The following RASSF4 variants were observed in gnomAD, a reference collection of about 807,000 sequenced individuals.
RASSF4 encodes Ras association domain family member 4, also known as ras association domain-containing protein 4.
Under a neutral mutation model 41.1 loss-of-function variants are expected in RASSF4, and 38 were observed. That is an observed-to-expected ratio of 0.92 (90% CI 0.71 to 1.21). The LOEUF is 1.21. RASSF4 is among the 50% of genes most tolerant of loss of function. The pLI is 0.00. For synonymous variants in RASSF4, 179 were observed against 163.4 expected (o/e 1.10, Z -0.73); for missense variants, 414 against 419.4 (o/e 0.99, Z 0.11).
At chr10:44,963,281 T>C (rs1588781252) in intron 1 of RASSF4, among the ~76,000 whole-genome samples, 1 of 151,716 alleles carries the variant, frequency 6.6e-6, no homozygotes, top group Non-Finnish European at 1.5e-5. Context: ...TGGAAGGAGG[T>C]GGGAGCAGCA....
At chr10:44,986,980 AG>A (rs1450162873) in intron 6 of RASSF4, among the ~76,000 whole-genome samples, 1 of 152,258 alleles carries the variant, frequency 6.6e-6, no homozygotes, top group Admixed American at 6.5e-5. Flanking sequence ...GAAAGTAGCC[AG>A]GGGGCCTTTG....
At chr10:44,964,552 T>A (rs973162873) in intron 1 of RASSF4, among the ~76,000 whole-genome samples, 8 of 152,260 alleles carry the variant, frequency 5.3e-5, no homozygotes, top group African/African-American at 1.7e-4. Context: ...TCCTGACTCC[T>A]GCTGCCACCC....
intron 3 of RASSF4, 76 bp from the exon 4 acceptor site, chr10:44,982,445 A>T: frequency 6.4e-7 from 1 of 1,566,092 alleles, no homozygotes; most frequent in Non-Finnish European, 8.7e-7. Context: ...GAGTGTTCAG[A>T]GCATCCCATC....
At chr10:44,990,851 G>A in intron 8 of RASSF4, 97 bp from the exon 9 acceptor site, 1 of 1,317,284 alleles carries the variant, frequency 7.6e-7, no homozygotes, top group East Asian at 2.3e-5. Flanking sequence ...AGGGTTCCCT[G>A]CGCCCCTAGA....
chr10:44,975,596 C>T lies in RASSF4; in HGVS notation c.138+3748C>T, dbSNP rs1588813988. On this transcript the variant is annotated intron_variant, in intron 3 of 10. Transcript: ENST00000340258. ...CCTCCCTTTCCACTCTCCCCACCCC[C>T]ACCCCAGTGGCAAGAAGGAAGGAGA... Among the ~76,000 whole-genome samples the T allele has an allele frequency of 1.4e-5, 2 of 139,692 alleles. 1 individual carries two copies. The highest frequency in any genetic ancestry group is 3.1e-5 in the Non-Finnish European group (2 of 64,510). 91.6% of individuals were successfully genotyped at this position (139,692 alleles called of 152,430 possible).
Position 44,984,733 on chromosome 10 carries a change from G to C in RASSF4, c.374-80G>C. 5 of 1,515,912 alleles carry C rather than the reference G, an allele frequency of 3.3e-6. No homozygotes were observed. The Admixed American group carries it at 6.9e-5, about 21-fold the overall frequency. 93.9% of individuals were successfully genotyped at this position (1,515,912 alleles called of 1,614,324 possible). Reference sequence around the variant, plus strand: ...AGTGCACGTGACCACAGGGCTCTAGGGTGCCAGATCTCCCGACAGCAGGCA... The same window carrying C: ...AGTGCACGTGACCACAGGGCTCTAGCGTGCCAGATCTCCCGACAGCAGGCA... On this transcript the variant is annotated intron_variant, in intron 5 of 10. Coordinates refer to ENST00000340258, the MANE Select transcript of RASSF4 (RefSeq NM_032023.4).
intron 1 of RASSF4, among the ~76,000 whole-genome samples, chr10:44,968,714 G>A (rs914105623): frequency 1.3e-5 from 2 of 152,196 alleles, no homozygotes; most frequent in Non-Finnish European, 2.9e-5. Flanking sequence ...TAATAAATAC[G>A]ACAGCAGGTG....
chr10:44,987,153 G>A (rs1841948586), intron 6 of RASSF4, among the ~76,000 whole-genome samples: 1 of 152,172 alleles, frequency 6.6e-6, no homozygotes, highest in South Asian at 2.1e-4. Flanking sequence ...TAGCCAGGCT[G>A]GAGTGCAGTG....
At position 44,994,926 on chromosome 10, in the gene RASSF4, C is replaced by A. The variant is rs1207589383; in HGVS notation, c.*1597C>A. The A allele has an allele frequency of 6.6e-6, 1 of 152,114 alleles. No homozygotes were observed. The highest frequency in any genetic ancestry group is 2.4e-5 in the African/African-American group (1 of 41,418). 9.4% of individuals were successfully genotyped at this position (152,114 alleles called of 1,614,324 possible). A position where few individuals can be genotyped will look rare whatever the true frequency, so the allele number is the denominator to read the frequency against. On this transcript the variant is annotated 3_prime_UTR_variant, in exon 11 of 11. Coordinates refer to ENST00000340258, the MANE Select transcript of RASSF4 (RefSeq NM_032023.4). ...AGCCTGAGGAGAGGCTGCCATGGAA[C>A]ACGCAGGCGTCACTGGTGGGAGCCT... is the stretch of plus-strand genomic sequence containing the variant.
Position 44,986,104 on chromosome 10 carries a change from G to A in RASSF4, c.531+1134G>A, listed in dbSNP as rs1425012244. ...CATTCAAATAAATGTTGATATGCTA[G>A]TGTAAGGAATTATTCAAAAATTTTC... On this transcript the variant is annotated intron_variant, in intron 6 of 10. Coordinates refer to ENST00000340258, the MANE Select transcript of RASSF4 (RefSeq NM_032023.4). Among the ~76,000 whole-genome samples the A allele has an allele frequency of 2.0e-5, 3 of 152,312 alleles. No homozygotes were observed. In the East Asian group the frequency reaches 5.8e-4, roughly 29 times the overall value.
At chr10:44,984,753 CA>C (rs1841851681) in intron 5 of RASSF4, 59 bp from the exon 6 acceptor site, 5 of 1,584,412 alleles carry the variant, frequency 3.2e-6, no homozygotes, top group Non-Finnish European at 4.3e-6. Context: ...CTCCCGACAG[CA>C]GGCAGTTGCT....
chr10:44,979,704 C>T (rs370987618), intron 3 of RASSF4, among the ~76,000 whole-genome samples: 113 of 151,900 alleles, frequency 7.4e-4, no homozygotes, highest in African/African-American at 2.5e-3. Context: ...GCTCAGGGCA[C>T]AGCAAGGGGC....
intron 8 of RASSF4, chr10:44,990,708 T>G (rs1842077005): frequency 5.3e-6 from 2 of 377,674 alleles, no homozygotes; most frequent in Non-Finnish European, 9.6e-6. Flanking sequence ...CACTTGTATC[T>G]TCTTCTTCTC....
intron 6 of RASSF4, among the ~76,000 whole-genome samples, chr10:44,987,124 G>C (rs1232331023): frequency 2.2e-4 from 34 of 152,202 alleles, no homozygotes; most frequent in Non-Finnish European, 1.5e-5. Flanking sequence ...TTTTTTATTT[G>C]AGATGGAGTC....
intron 3 of RASSF4, chr10:44,977,992 G>A (rs1339642395): frequency 1.2e-6 from 2 of 1,611,572 alleles, no homozygotes; most frequent in Non-Finnish European, 1.7e-6. Context: ...CCCGAATTGT[G>A]GGCAGATGGG....
intron 4 of RASSF4, chr10:44,983,158 T>C (rs1841785153): frequency 2.8e-6 from 1 of 360,888 alleles, no homozygotes; most frequent in Non-Finnish European, 5.5e-6. Context: ...TACCATTCAA[T>C]GCACATTTAT....
At chr10:44,967,940 A>G (rs1197353116) in intron 1 of RASSF4, among the ~76,000 whole-genome samples, 2 of 152,178 alleles carry the variant, frequency 1.3e-5, no homozygotes, top group Admixed American at 1.3e-4. Context: ...ATCAGAAGAC[A>G]GGAGTAGTTC....
intron 1 of RASSF4, among the ~76,000 whole-genome samples, chr10:44,967,518 G>A (rs747444501): frequency 6.6e-6 from 1 of 152,194 alleles, no homozygotes; most frequent in Admixed American, 6.5e-5. Context: ...TTGCCCCGTC[G>A]AAGAAGGAAT....
intron 10 of RASSF4, among the ~76,000 whole-genome samples, chr10:44,992,559 T>G (rs543658301): frequency 1.1e-4 from 17 of 152,262 alleles, no homozygotes; most frequent in African/African-American, 4.1e-4. Flanking sequence ...GATGCATGAG[T>G]TAGCCAGGCT....
Sources: allele counts gnomAD v4.1 joint callset (sites outside exome capture counted in the v4.1 genomes callset), GRCh38; gene constraint gnomAD v4.1.1; transcripts MANE v1.5; gene names NCBI Gene and HGNC (gene_info 2026-07-23, HGNC 2026-07-21).